The following PACSIN2 variants were observed in gnomAD, a reference collection of about 807,000 sequenced individuals.
PACSIN2 encodes the protein protein kinase C and casein kinase substrate in neurons protein 2.
A neutral mutation model predicts 63.8 loss-of-function variants in PACSIN2; 25 were observed. The ratio of observed to expected loss-of-function variants is 0.39; its 90% CI spans 0.29 to 0.55. The LOEUF is 0.55. Ranked by LOEUF, PACSIN2 falls within the 20% of genes least tolerant of loss-of-function variation. PACSIN2 has a pLI of 0.62. For missense variants in PACSIN2, 518 were observed against 646.9 expected (o/e 0.80, Z 2.16); for synonymous variants, 255 against 256.2 (o/e 1.00, Z 0.05).
rs1209263094 is a variant in PACSIN2 at position 42,870,421 on chromosome 22, A to T, written c.*936T>A. 1 of 152,194 alleles carries T rather than the reference A, an allele frequency of 6.6e-6. No homozygotes were observed. Among genetic ancestry groups the T allele is most frequent in the Admixed American group, 6.5e-5 (1 of 15,284 alleles). 9.4% of individuals were successfully genotyped at this position (152,194 alleles called of 1,614,324 possible). A position where few individuals can be genotyped will look rare whatever the true frequency, so the allele number is the denominator to read the frequency against. Reference sequence around the variant, plus strand: ...CGAAACTCACTGTTAAAAGCTGTTAAATCTCATTAAAACAGTAGACGAGTG... The same window carrying T: ...CGAAACTCACTGTTAAAAGCTGTTATATCTCATTAAAACAGTAGACGAGTG... On this transcript the variant is annotated 3_prime_UTR_variant, in exon 11 of 11. Transcript: ENST00000263246.
intron 1 of PACSIN2, among the ~76,000 whole-genome samples, chr22:42,954,527 T>C (rs1452790980): frequency 6.6e-6 from 1 of 152,192 alleles, no homozygotes; most frequent in Non-Finnish European, 1.5e-5. Flanking sequence ...TTCTGAAGCT[T>C]GGACTACAAG....
At chr22:42,892,724 T>C (rs1337160910) in intron 3 of PACSIN2, among the ~76,000 whole-genome samples, 1 of 152,232 alleles carries the variant, frequency 6.6e-6, no homozygotes, top group Non-Finnish European at 1.5e-5. Flanking sequence ...GCAGCTGGAC[T>C]AGACCTGGCT....
intron 1 of PACSIN2, among the ~76,000 whole-genome samples, chr22:42,957,047 TG>T (rs1413738968): frequency 2.6e-5 from 4 of 152,164 alleles, no homozygotes; most frequent in African/African-American, 9.7e-5. Context: ...AACTAAATTA[TG>T]GGAGAAGCGA....
At chr22:42,971,243 G>A (rs972374187) in intron 1 of PACSIN2, among the ~76,000 whole-genome samples, 49 of 152,244 alleles carry the variant, frequency 3.2e-4, no homozygotes, top group African/African-American at 1.1e-3. Flanking sequence ...GCGCCGCCAC[G>A]CCTGACTGGT....
At chr22:42,987,530 C>CTTTTTTT (rs1160565529) in intron 1 of PACSIN2, among the ~76,000 whole-genome samples, 1 of 52,030 alleles carries the variant, frequency 1.9e-5, no homozygotes, top group African/African-American at 9.7e-5. Flanking sequence ...CACATTCATT[C>CTTTTTTT]TTTTTTTTTT....
Position 42,879,135 on chromosome 22 carries a change from C to G in PACSIN2, c.941G>C (p.Arg314Pro), listed in dbSNP as rs764389146. The G allele has an allele frequency of 6.2e-7, 1 of 1,614,000 alleles. No homozygotes were observed. ...WSADLNRTLS[R>P]REKKKATDGV... ...GTCAGTGGCCTTCTTCTTCTCTCTCCGGCTGAGGGTTCGATTCAGGTCTGC... is the reference window on the plus strand; with the variant it reads ...GTCAGTGGCCTTCTTCTTCTCTCTCGGGCTGAGGGTTCGATTCAGGTCTGC... Residue 314 changes from arginine (R) to proline (P), a missense_variant, in exon 8 of 11, where the codon CGG becomes CCG. Transcript: ENST00000263246.
At chr22:42,920,044 G>C (rs1932083846) in intron 1 of PACSIN2, among the ~76,000 whole-genome samples, 1 of 152,056 alleles carries the variant, frequency 6.6e-6, no homozygotes, top group Non-Finnish European at 1.5e-5. Flanking sequence ...GGAGCTGGAG[G>C]CTGCAGTGAG....
At chr22:42,944,134 C>T (rs1933300585) in intron 1 of PACSIN2, among the ~76,000 whole-genome samples, 1 of 152,180 alleles carries the variant, frequency 6.6e-6, no homozygotes, top group Non-Finnish European at 1.5e-5. Context: ...ACTGTGTTGT[C>T]CACTGAGCAG....
chr22:42,937,421 C>T (rs6002985), intron 1 of PACSIN2, among the ~76,000 whole-genome samples: 92,000 of 151,864 alleles, frequency 0.61, 28,437 homozygotes, highest in East Asian at 0.78. Flanking sequence ...GTAGAAATAA[C>T]GATGCATGAG....
chr22:42,957,229 A>T (rs1301013213), intron 1 of PACSIN2, among the ~76,000 whole-genome samples: 1 of 152,256 alleles, frequency 6.6e-6, no homozygotes, highest in Non-Finnish European at 1.5e-5. Flanking sequence ...TTGCTTATGT[A>T]TTCCACTTCA....
rs535060073 is a variant in PACSIN2, at chr22:42,916,450, C to A, written c.-77-4293G>T. Among the ~76,000 whole-genome samples the A allele has an allele frequency of 2.0e-4, 31 of 152,140 alleles. 2 individuals carry two copies. In the South Asian group the frequency reaches 6.4e-3, roughly 32 times the overall value. The stretch of plus-strand genomic sequence containing the variant: ...GAAGGGGGGCCTTGAGGGCAGGCAC[C>A]GAGCTGAGTTCTCAATGACAACTCC... On this transcript the variant is annotated intron_variant, in intron 1 of 10. Coordinates refer to ENST00000263246, the MANE Select transcript of PACSIN2 (RefSeq NM_001184970.3).
chr22:42,968,531 T>C (rs1053415994), intron 1 of PACSIN2, among the ~76,000 whole-genome samples: 1 of 152,210 alleles, frequency 6.6e-6, no homozygotes, highest in South Asian at 2.1e-4. Context: ...TGGTTAGTTT[T>C]AGAGTTTTAG....
At chr22:42,912,278 A>G in intron 1 of PACSIN2, 121 bp from the exon 2 acceptor site, 2 of 525,408 alleles carry the variant, frequency 3.8e-6, no homozygotes, top group South Asian at 5.4e-5. Flanking sequence ...GGTCTATAAT[A>G]TTTCCTTTAG....
At chr22:42,893,646 C>T in intron 2 of PACSIN2, 33 bp from the exon 3 acceptor site, 1 of 1,601,912 alleles carries the variant, frequency 6.2e-7, no homozygotes, top group South Asian at 1.1e-5. Context: ...AGGCAGGGGG[C>T]TTGGGGCAGC....
chr22:42,887,929 C>T (rs559691679), intron 5 of PACSIN2, among the ~76,000 whole-genome samples: 1 of 152,232 alleles, frequency 6.6e-6, no homozygotes, highest in South Asian at 2.1e-4. Context: ...CCACCCCTGG[C>T]TCCACAGCCT....
intron 1 of PACSIN2, among the ~76,000 whole-genome samples, chr22:42,979,186 G>T (rs1284471522): frequency 6.6e-6 from 1 of 152,138 alleles, no homozygotes; most frequent in African/African-American, 2.4e-5. Flanking sequence ...AAGGCCCAAT[G>T]ATGGTTCATC....
chr22:42,893,448 G>C lies in PACSIN2; in HGVS notation c.217+9C>G. On this transcript the variant is annotated intron_variant, in intron 3 of 10. Transcript: ENST00000263246. ...TCCAGGCCACAGGACCTGTGCCGGG[G>C]CCCCATACCTTTCTCCACGAGCTGC... is the stretch of plus-strand genomic sequence containing the variant. 1 of 1,610,216 alleles carries C rather than the reference G, an allele frequency of 6.2e-7. No individual in the cohort carries two copies. Among genetic ancestry groups the C allele is most frequent in the Non-Finnish European group, 8.5e-7 (1 of 1,179,868 alleles).
At chr22:42,930,950 G>A (rs534298896) in intron 1 of PACSIN2, among the ~76,000 whole-genome samples, 6 of 152,238 alleles carry the variant, frequency 3.9e-5, no homozygotes, top group Admixed American at 1.3e-4. Context: ...GGTGAGTCAC[G>A]TGTGCGTGAC....
At chr22:42,897,518 C>A (rs1342106019) in intron 2 of PACSIN2, among the ~76,000 whole-genome samples, 1 of 152,242 alleles carries the variant, frequency 6.6e-6, no homozygotes, top group African/African-American at 2.4e-5. Context: ...GCTTCATTCA[C>A]AAAATCCTCA....
Sources: gnomAD v4.1 joint callset for allele counts (sites outside exome capture counted in the v4.1 genomes callset) on GRCh38, gnomAD v4.1.1 for gene constraint, MANE v1.5 for transcripts, NCBI Gene and HGNC (gene_info 2026-07-23, HGNC 2026-07-21) for gene names.